The following CSMD1 variants were observed in gnomAD, a reference collection of about 807,000 sequenced individuals.
The protein encoded by CSMD1 is CUB and sushi domain-containing protein 1.
Under a neutral mutation model 417.5 loss-of-function variants are expected in CSMD1, and 213 were observed. The ratio of observed to expected loss-of-function variants is 0.51; its 90% confidence interval spans 0.46 to 0.57. The LOEUF is 0.57. CSMD1 is among the 20% of genes least tolerant of loss of function. The pLI, the probability that CSMD1 is intolerant of heterozygous loss-of-function variation, is 0.00. For synonymous variants in CSMD1, 2,862 were observed against 1,736.8 expected, an observed-to-expected ratio of 1.65 and a Z score of -16.11; for missense variants, 6,923 against 4,529.7, an observed-to-expected ratio of 1.53 and a Z score of -15.17.
At position 3,108,734 on chromosome 8, in the gene CSMD1, T is replaced by A. The variant is rs370023558; in HGVS notation, c.6623A>T (p.Gln2208Leu). The change falls in exon 44 of 70, where the codon CAG becomes CTG. Residue 2208 changes from glutamine (Q) to leucine (L), a missense_variant. Coordinates refer to ENST00000635120, the MANE Select transcript of CSMD1 (RefSeq NM_033225.6). ...GAAAACTCCCAGCTGGGGTGAGTTC[T>A]GATCGGGACCGTCCCTAGGAAAGAC... ...DYIAVWDGPD[Q>L]NSPQLGVFSG... 29 of 1,613,212 alleles carry A rather than the reference T, an allele frequency of 1.8e-5. No homozygotes were observed. The highest frequency in any genetic ancestry group is 2.5e-5 in the Non-Finnish European group (29 of 1,179,478).
intron 27 of CSMD1, among the ~76,000 whole-genome samples, chr8:3,224,546 CTCTAAGTATACA>C (rs1188410503): frequency 6.6e-6 from 1 of 152,260 alleles, no homozygotes; most frequent in East Asian, 1.9e-4. Flanking sequence ...TTTAAGTGAG[CTCTAAGTATACA>C]TATCAGTGAG....
At chr8:4,101,010 C>G (rs926831626) in intron 3 of CSMD1, among the ~76,000 whole-genome samples, 1 of 152,088 alleles carries the variant, frequency 6.6e-6, no homozygotes, top group Non-Finnish European at 1.5e-5. Context: ...CTAGAAATTC[C>G]CAATCCACGC....
chr8:4,224,709 T>G (rs1321547089), intron 3 of CSMD1, among the ~76,000 whole-genome samples: 1 of 152,228 alleles, frequency 6.6e-6, no homozygotes, highest in Admixed American at 6.5e-5. Flanking sequence ...ATTACTAATA[T>G]AGCTTCTTTT....
intron 12 of CSMD1, among the ~76,000 whole-genome samples, chr8:3,466,154 T>A (rs1351160666): frequency 6.6e-6 from 1 of 152,166 alleles, no homozygotes; most frequent in Non-Finnish European, 1.5e-5. Context: ...CTTACATGTT[T>A]TACTCAGTTG....
chr8:4,750,166 C>T (rs746533089), intron 1 of CSMD1, among the ~76,000 whole-genome samples: 19 of 151,940 alleles, frequency 1.3e-4, no homozygotes, highest in African/African-American at 3.4e-4. Flanking sequence ...CCACCACGCC[C>T]GGCTAATTTT....
At chr8:3,869,906 G>T (rs558917314) in intron 5 of CSMD1, among the ~76,000 whole-genome samples, 2 of 151,874 alleles carry the variant, frequency 1.3e-5, no homozygotes, top group Non-Finnish European at 2.9e-5. Flanking sequence ...GGGCTTAAAG[G>T]AAAAACTAGC....
chr8:4,563,563 A>G lies in CSMD1; in HGVS notation c.302+73779T>C, dbSNP rs117870125. ...CACCACACATCCTCACTCCAACTGT[A>G]GTGCTTTCCTTATAAATGAGTTGAA... On this transcript the variant is annotated intron_variant, in intron 2 of 69. Coordinates refer to ENST00000635120, the MANE Select transcript of CSMD1 (RefSeq NM_033225.6). 1.4e-3 allele frequency among the ~76,000 whole-genome samples: 220 copies of G among 152,328 alleles called. 4 individuals carry two copies. The East Asian group carries it at 0.037, about 26-fold the overall frequency.
rs78228896 is a variant in CSMD1, at chr8:4,210,937, G to T, written c.416-178838C>A. Reference sequence around the variant, plus strand: ...ACTTAATGAAAAACTCGATTGTCTGGAGTTCTGCTTTAAACTTCTCTAAAT... The same window carrying T: ...ACTTAATGAAAAACTCGATTGTCTGTAGTTCTGCTTTAAACTTCTCTAAAT... On this transcript the variant is annotated intron_variant, in intron 3 of 69. Transcript: ENST00000635120. 9.6e-3 allele frequency among the ~76,000 whole-genome samples: 1,465 copies of T among 152,214 alleles called. 74 individuals carry two copies. The East Asian group carries it at 0.16, about 16-fold the overall frequency.
intron 8 of CSMD1, among the ~76,000 whole-genome samples, chr8:3,596,417 G>C (rs1453405560): frequency 1.3e-5 from 2 of 152,182 alleles, no homozygotes; most frequent in Non-Finnish European, 2.9e-5. Flanking sequence ...GTCAACAATG[G>C]AGGAGGCTGA....
At chr8:4,681,138 C>T (rs181570610) in intron 1 of CSMD1, among the ~76,000 whole-genome samples, 16 of 152,230 alleles carry the variant, frequency 1.1e-4, no homozygotes, top group African/African-American at 3.6e-4. Context: ...CAATTTTTGA[C>T]ATAGGCATGA....
At chr8:4,681,522 C>T (rs989030003) in intron 1 of CSMD1, among the ~76,000 whole-genome samples, 6 of 152,112 alleles carry the variant, frequency 3.9e-5, no homozygotes, top group Non-Finnish European at 8.8e-5. Flanking sequence ...AAGCCAAGAT[C>T]TTTCCTTTGT....
intron 40 of CSMD1, among the ~76,000 whole-genome samples, chr8:3,150,831 A>G (rs541952074): frequency 7.2e-4 from 109 of 152,304 alleles, no homozygotes; most frequent in African/African-American, 2.6e-3. Flanking sequence ...GGCCAGAAAA[A>G]GGTTCTATAA....
chr8:4,331,004 G>C (rs539993779), intron 3 of CSMD1, among the ~76,000 whole-genome samples: 8 of 152,098 alleles, frequency 5.3e-5, no homozygotes, highest in African/African-American at 9.7e-5. Context: ...TTACTGTGCC[G>C]TAAGTTCTTA....
At chr8:3,518,741 GAGA>G (rs1195504220) in intron 10 of CSMD1, among the ~76,000 whole-genome samples, 3 of 152,136 alleles carry the variant, frequency 2.0e-5, no homozygotes, top group Non-Finnish European at 2.9e-5. Context: ...GAGGAATGTG[GAGA>G]AGAACAGTTC....
intron 3 of CSMD1, among the ~76,000 whole-genome samples, chr8:4,384,879 A>C (rs1008544958): frequency 2.0e-5 from 3 of 152,116 alleles, no homozygotes; most frequent in African/African-American, 7.2e-5. Context: ...AACTGCTCTA[A>C]TTTCTGGTGA....
At chr8:3,750,126 G>C (rs953768790) in intron 6 of CSMD1, among the ~76,000 whole-genome samples, 3 of 152,086 alleles carry the variant, frequency 2.0e-5, no homozygotes, top group African/African-American at 7.2e-5. Context: ...AGGAAGGCTA[G>C]GAACCACAAA....
intron 5 of CSMD1, among the ~76,000 whole-genome samples, chr8:3,992,130 G>GTA (rs1474436161): frequency 6.6e-6 from 1 of 151,312 alleles, no homozygotes; most frequent in Non-Finnish European, 1.5e-5. Flanking sequence ...ATATATGTGT[G>GTA]TGTGTGTGTA....
chr8:3,831,225 AT>A (rs573135777), intron 5 of CSMD1, among the ~76,000 whole-genome samples: 126 of 152,330 alleles, frequency 8.3e-4, no homozygotes, highest in African/African-American at 2.9e-3. Context: ...GGAAAGTTAA[AT>A]AAAAAAAACA....
intron 1 of CSMD1, among the ~76,000 whole-genome samples, chr8:4,972,473 C>T (rs1456996003): frequency 2.0e-5 from 3 of 152,128 alleles, no homozygotes; most frequent in African/African-American, 7.2e-5. Context: ...CATTCTCCTT[C>T]CTGCCATCTT....
Sources: gnomAD v4.1 joint callset for allele counts (sites outside exome capture counted in the v4.1 genomes callset) on GRCh38, gnomAD v4.1.1 for gene constraint, MANE v1.5 for transcripts, NCBI Gene and HGNC (gene_info 2026-07-23, HGNC 2026-07-21) for gene names.